MMP16: variants seen among roughly 807,000 people sequenced by gnomAD.
The protein encoded by MMP16 is matrix metallopeptidase 16, also known as matrix metalloproteinase-16.
A neutral mutation model predicts 67.8 loss-of-function variants in MMP16; 12 were observed. The ratio of observed to expected loss-of-function variants is 0.18; its 90% CI spans 0.11 to 0.29. The LOEUF (loss-of-function observed/expected upper bound fraction) is 0.29. MMP16 is among the 10% of genes least tolerant of loss of function. The pLI, the probability that MMP16 is intolerant of heterozygous loss-of-function variation, is 1.00. For synonymous variants in MMP16, 249 were observed against 255.9 expected (o/e 0.97, Z 0.26); for missense variants, 475 against 765.7 (o/e 0.62, Z 4.48).
chr8:88,269,380 G>T (rs935738548), intron 1 of MMP16, among the ~76,000 whole-genome samples: 5 of 151,884 alleles, frequency 3.3e-5, no homozygotes, highest in Admixed American at 3.3e-4. Flanking sequence ...ACCTTCACAG[G>T]GCAACCAAGA....
At chr8:88,143,052 G>C (rs989544082) in intron 4 of MMP16, among the ~76,000 whole-genome samples, 14 of 152,040 alleles carry the variant, frequency 9.2e-5, no homozygotes, top group Non-Finnish European at 1.9e-4. Context: ...GAAAGATTTT[G>C]ACAGAGCCCA....
Position 88,186,199 on chromosome 8 carries a change from T to C in MMP16, c.404+277A>G, listed in dbSNP as rs28907582. 621 of 282,566 alleles carry C rather than the reference T, an allele frequency of 2.2e-3. 5 individuals are homozygous for C. Among genetic ancestry groups the C allele is most frequent in the African/African-American group, 0.013 (580 of 45,872 alleles). 17.5% of individuals were successfully genotyped at this position (282,566 alleles called of 1,614,324 possible). Reference sequence around the variant, plus strand: ...TATAAATATTTGTCAAAGCATGTAATATGTTAGAACATTCATCTTAAAGTC... The same window carrying C: ...TATAAATATTTGTCAAAGCATGTAACATGTTAGAACATTCATCTTAAAGTC... On this transcript the variant is annotated intron_variant, in intron 3 of 9. Coordinates refer to ENST00000286614, the MANE Select transcript of MMP16 (RefSeq NM_005941.5).
At chr8:88,219,955 T>C (rs1809652236) in intron 1 of MMP16, among the ~76,000 whole-genome samples, 1 of 152,146 alleles carries the variant, frequency 6.6e-6, no homozygotes, top group Admixed American at 6.6e-5. Flanking sequence ...GTAGAAAGAA[T>C]GGTAAATGAA....
chr8:88,091,594 A>G (rs1319127417), intron 6 of MMP16, among the ~76,000 whole-genome samples: 1 of 151,742 alleles, frequency 6.6e-6, no homozygotes, highest in African/African-American at 2.4e-5. Context: ...GGTTTAAGAT[A>G]TTCTCTTAAT....
chr8:88,167,637 A>G (rs1371505939), intron 4 of MMP16, 32 bp downstream of exon 4: 7 of 1,514,468 alleles, frequency 4.6e-6, no homozygotes, highest in South Asian at 4.1e-5. Flanking sequence ...AATAATAGAA[A>G]TATTTACACT....
chr8:88,043,007 T>C (rs182872486), intron 9 of MMP16, among the ~76,000 whole-genome samples: 1 of 152,332 alleles, frequency 6.6e-6, no homozygotes, highest in East Asian at 1.9e-4. Flanking sequence ...GCAAAATTCA[T>C]AGTTTATAAT....
intron 1 of MMP16, among the ~76,000 whole-genome samples, chr8:88,274,689 G>T (rs192533902): frequency 7.2e-5 from 11 of 152,116 alleles, no homozygotes; most frequent in Non-Finnish European, 1.6e-4. Context: ...TGTGTCTGTG[G>T]AAGGTAAATG....
intron 3 of MMP16, among the ~76,000 whole-genome samples, chr8:88,185,982 T>C (rs1424793216): frequency 6.6e-6 from 1 of 152,142 alleles, no homozygotes; most frequent in Non-Finnish European, 1.5e-5. Flanking sequence ...AATGTGAAAA[T>C]CCATTAATAA....
chr8:88,250,134 T>C (rs1810183852), intron 1 of MMP16, among the ~76,000 whole-genome samples: 1 of 152,072 alleles, frequency 6.6e-6, no homozygotes, highest in Non-Finnish European at 1.5e-5. Flanking sequence ...AATTATACTA[T>C]CTTAATATCT....
chr8:88,177,319 G>A (rs982511452), intron 3 of MMP16, among the ~76,000 whole-genome samples: 3 of 152,090 alleles, frequency 2.0e-5, no homozygotes, highest in African/African-American at 4.8e-5. Flanking sequence ...GAAATAAAAC[G>A]GAATAAATTG....
intron 4 of MMP16, among the ~76,000 whole-genome samples, chr8:88,151,780 AC>A (rs1197337532): frequency 6.7e-6 from 1 of 150,202 alleles, no homozygotes; most frequent in Non-Finnish European, 1.5e-5. Context: ...CAAAATTGAC[AC>A]CCTAACATCA....
intron 1 of MMP16, among the ~76,000 whole-genome samples, chr8:88,214,491 AGTTTT>A (rs1809558248): frequency 6.6e-6 from 1 of 151,966 alleles, no homozygotes; most frequent in Non-Finnish European, 1.5e-5. Context: ...TCAACCTTTT[AGTTTT>A]TTTTCATTAT....
At chr8:88,232,387 T>C in intron 1 of MMP16, among the ~76,000 whole-genome samples, 1 of 152,082 alleles carries the variant, frequency 6.6e-6, no homozygotes, top group East Asian at 1.9e-4. Context: ...AACCGGCAAA[T>C]AGTTTGCAAG....
intron 1 of MMP16, among the ~76,000 whole-genome samples, chr8:88,305,606 T>C (rs554793008): frequency 6.6e-6 from 1 of 152,282 alleles, no homozygotes; most frequent in Admixed American, 6.5e-5. Flanking sequence ...CACAGTGCAA[T>C]CAAATTAGAA....
In MMP16 at chr8:88,034,266, A is replaced by G. The variant is rs1031261393; in HGVS notation, c.*7195T>C. 6.6e-6 allele frequency: 1 copy of G among 151,732 alleles called. No individual in the cohort carries two copies. Among genetic ancestry groups the G allele is most frequent in the Admixed American group, 6.6e-5 (1 of 15,164 alleles). 9.4% of individuals were successfully genotyped at this position (151,732 alleles called of 1,614,324 possible). ...AAAAAAAAAAAAAAGGCAAGATAGGAATAGAAAGAAATGCAAATATAGACA... is the reference window on the plus strand; with the variant it reads ...AAAAAAAAAAAAAAGGCAAGATAGGGATAGAAAGAAATGCAAATATAGACA... On this transcript the variant is annotated 3_prime_UTR_variant, in exon 10 of 10. Transcript: ENST00000286614.
intron 7 of MMP16, among the ~76,000 whole-genome samples, chr8:88,070,184 T>C (rs888195054): frequency 1.3e-5 from 2 of 152,152 alleles, no homozygotes; most frequent in African/African-American, 2.4e-5. Flanking sequence ...TTTTGGGGTA[T>C]GCAAGATACT....
At chr8:88,148,528 T>A (rs1299432472) in intron 4 of MMP16, among the ~76,000 whole-genome samples, 1 of 152,176 alleles carries the variant, frequency 6.6e-6, no homozygotes, top group South Asian at 2.1e-4. Flanking sequence ...CACATCCAAG[T>A]GCAGTATTTT....
At chr8:88,123,109 T>G (rs968369742) in intron 4 of MMP16, among the ~76,000 whole-genome samples, 3 of 151,976 alleles carry the variant, frequency 2.0e-5, no homozygotes, top group Non-Finnish European at 4.4e-5. Context: ...TGCTGGATTT[T>G]GGGGTAATTT....
chr8:88,212,669 G>A (rs1299027205), intron 1 of MMP16, among the ~76,000 whole-genome samples: 1 of 151,954 alleles, frequency 6.6e-6, no homozygotes, highest in Admixed American at 6.6e-5. Context: ...ATCACTTTAG[G>A]AAAAGGTCCT....
Sources: allele counts gnomAD v4.1 joint callset (sites outside exome capture counted in the v4.1 genomes callset), GRCh38; gene constraint gnomAD v4.1.1; transcripts MANE v1.5; gene names NCBI Gene and HGNC (gene_info 2026-07-23, HGNC 2026-07-21).